The following C4orf33 variants were observed in gnomAD, a reference collection of about 807,000 sequenced individuals.
The protein encoded by C4orf33 is UPF0462 protein C4orf33.
C4orf33 carries 20 observed loss-of-function variants against 24.3 expected under a neutral mutation model. That is an observed-to-expected ratio of 0.82 (90% CI 0.58 to 1.19). The LOEUF is 1.19. C4orf33 is among the 50% of genes most tolerant of loss of function. The probability of loss-of-function intolerance (pLI) is 0.00; values close to 1 mark genes in which losing one functional copy is unlikely to be tolerated. For synonymous variants in C4orf33, 67 were observed against 76.4 expected (o/e 0.88, Z 0.64); for missense variants, 207 against 225.9 (o/e 0.92, Z 0.54).
At chr4:129,107,029 G>T (rs1043241365) in intron 3 of C4orf33, among the ~76,000 whole-genome samples, 4 of 151,862 alleles carry the variant, frequency 2.6e-5, no homozygotes, top group Non-Finnish European at 5.9e-5. Context: ...AGAGATATGG[G>T]TATAATTAAT....
At chr4:129,109,231 T>A (rs1753611948) in intron 3 of C4orf33, 76 bp from the exon 4 acceptor site, 5 of 1,341,856 alleles carry the variant, frequency 3.7e-6, no homozygotes, top group Non-Finnish European at 5.4e-6. Flanking sequence ...AGCACACACA[T>A]TCCATGTATA....
chr4:129,100,172 T>G (rs1032286048), intron 1 of C4orf33, among the ~76,000 whole-genome samples: 2 of 152,198 alleles, frequency 1.3e-5, no homozygotes, highest in Admixed American at 1.3e-4. Context: ...GTAACTTTGC[T>G]TTTATCTTTT....
rs534089830 is a variant in C4orf33, at chr4:129,116,316, A to G, written c.*4525A>G. ...TTTACTACTTATTTGAATTACAATG[A>G]AATAATATATAGCTACATCACTGGC... On this transcript the variant is annotated 3_prime_UTR_variant, in exon 6 of 6. Coordinates refer to ENST00000425929, the MANE Select transcript of C4orf33 (RefSeq NM_001099783.2). 1 of 152,350 alleles carries G rather than the reference A, an allele frequency of 6.6e-6. No homozygotes were observed. The highest frequency in any genetic ancestry group is 1.9e-4 in the East Asian group (1 of 5,186). The allele number at this position is 152,350 out of a possible 1,614,324, so 9.4% of individuals were successfully genotyped here.
chr4:129,111,845 CA>C lies in C4orf33; in HGVS notation c.*60del. 3 of 958,000 alleles carry C rather than the reference CA, an allele frequency of 3.1e-6. No individual in the cohort carries two copies. Among genetic ancestry groups the C allele is most frequent in the Non-Finnish European group, 4.7e-6 (3 of 631,710 alleles). 59.3% of individuals were successfully genotyped at this position (958,000 alleles called of 1,614,324 possible). ...TTTCCTCTATACCTTTTAAGATAAA[CA>C]AAAAATAAATATCAATTTTTTAAGA... On this transcript the variant is annotated 3_prime_UTR_variant, in exon 6 of 6. Transcript: ENST00000425929.
chr4:129,108,910 CAG>C (rs1467360263), intron 3 of C4orf33, among the ~76,000 whole-genome samples: 2 of 151,356 alleles, frequency 1.3e-5, no homozygotes, highest in Non-Finnish European at 2.9e-5. Flanking sequence ...TTTTTTGAGA[CAG>C]AGTCTCGCTT....
At chr4:129,098,651 C>T (rs370562420) in intron 1 of C4orf33, among the ~76,000 whole-genome samples, 9 of 152,324 alleles carry the variant, frequency 5.9e-5, no homozygotes, top group East Asian at 1.9e-4. Flanking sequence ...GAGCAACAAA[C>T]TACAGGAAAA....
At chr4:129,093,714 C>G (rs1753067861), upstream of C4orf33, 1 of 153,106 alleles carries the variant, frequency 6.5e-6, no homozygotes, top group South Asian at 2.0e-4. Flanking sequence ...ACCTGGATGA[C>G]AGCGGGCTGA....
chr4:129,114,895 G>T lies in C4orf33; in HGVS notation c.*3104G>T, dbSNP rs971705755. The T allele has an allele frequency of 6.6e-6, 1 of 152,152 alleles. No homozygotes were observed. Among genetic ancestry groups the T allele is most frequent in the Non-Finnish European group, 1.5e-5 (1 of 68,040 alleles). 9.4% of individuals were successfully genotyped at this position (152,152 alleles called of 1,614,324 possible). ...GGGATTCATTGAGTCATCCTTTGGT[G>T]TTTCAATGTCAAGTGGTAATCTTAA... On this transcript the variant is annotated 3_prime_UTR_variant, in exon 6 of 6. Transcript: ENST00000425929.
chr4:129,094,916 T>A (rs1348071507), upstream of C4orf33, among the ~76,000 whole-genome samples: 3 of 152,182 alleles, frequency 2.0e-5, no homozygotes, highest in African/African-American at 7.2e-5. Context: ...CCTTGTATAT[T>A]GTCGTATTTC....
At position 129,115,543 on chromosome 4, in the gene C4orf33, T is replaced by C. The variant is rs1753759897; in HGVS notation, c.*3752T>C. ...GGGCAGACAATTCTGAAGTGCATTC[T>C]GTATAGTTCCTTAGTGGTCTCCAGT... On this transcript the variant is annotated 3_prime_UTR_variant, in exon 6 of 6. Coordinates refer to ENST00000425929, the MANE Select transcript of C4orf33 (RefSeq NM_001099783.2). 6.6e-6 allele frequency: 1 copy of C among 152,122 alleles called. No individual in the cohort carries two copies. Among genetic ancestry groups the C allele is most frequent in the South Asian group, 2.1e-4 (1 of 4,824 alleles). The allele number at this position is 152,122 out of a possible 1,614,324, so 9.4% of individuals were successfully genotyped here.
chr4:129,115,853 C>CATAT lies in C4orf33; in HGVS notation c.*4070_*4073dup, dbSNP rs201069760. On this transcript the variant is annotated 3_prime_UTR_variant, in exon 6 of 6. Coordinates refer to ENST00000425929, the MANE Select transcript of C4orf33 (RefSeq NM_001099783.2). ...ATAAAATATATATGTTTATATATAACATATATATATAGAGAGAGAGCATAA... is the reference window on the plus strand; with the variant it reads ...ATAAAATATATATGTTTATATATAACATATATATATATATAGAGAGAGAGCATAA... The CATAT allele has an allele frequency of 6.6e-5, 9 of 135,762 alleles. No individual in the cohort carries two copies. Among genetic ancestry groups the CATAT allele is most frequent in the Admixed American group, 1.5e-4 (2 of 13,696 alleles). 8.4% of individuals were successfully genotyped at this position (135,762 alleles called of 1,614,324 possible). A position where few individuals can be genotyped will look rare whatever the true frequency, so the allele number is the denominator to read the frequency against.
At chr4:129,103,956 A>G (rs1667040588) in intron 2 of C4orf33, among the ~76,000 whole-genome samples, 1 of 152,200 alleles carries the variant, frequency 6.6e-6, no homozygotes, top group South Asian at 2.1e-4. Flanking sequence ...TTTTATTGAT[A>G]CAAAACGGGT....
At chr4:129,109,437 A>G (rs999151818) in intron 4 of C4orf33, 36 bp from the exon 5 acceptor site, 12 of 1,605,152 alleles carry the variant, frequency 7.5e-6, no homozygotes, top group East Asian at 2.2e-5. Context: ...TGTAAGCCCA[A>G]TTTTATCTTT....
At chr4:129,104,439 C>T (rs1397751870) in intron 2 of C4orf33, among the ~76,000 whole-genome samples, 2 of 152,132 alleles carry the variant, frequency 1.3e-5, no homozygotes, top group African/African-American at 4.8e-5. Context: ...TTCTCAGGAT[C>T]CTTTTCCTCT....
chr4:129,107,547 A>C (rs754158615), intron 3 of C4orf33, among the ~76,000 whole-genome samples: 1 of 151,870 alleles, frequency 6.6e-6, no homozygotes, highest in Non-Finnish European at 1.5e-5. Flanking sequence ...ATTTTCTTTT[A>C]TTTTGATATT....
chr4:129,108,695 C>A (rs988070129), intron 3 of C4orf33, among the ~76,000 whole-genome samples: 1 of 152,032 alleles, frequency 6.6e-6, no homozygotes, highest in African/African-American at 2.4e-5. Context: ...TCTCTCTGAC[C>A]TTTTTTCATA....
In C4orf33 at chr4:129,115,803, TATATATATATATATATATATATATATAAA is replaced by T. The variant is rs1753764198; in HGVS notation, c.*4021_*4049del. The T allele has an allele frequency of 3.5e-5, 1 of 28,442 alleles. No homozygotes were observed. Among genetic ancestry groups the T allele is most frequent in the Non-Finnish European group, 1.3e-4 (1 of 7,672 alleles). 1.8% of individuals were successfully genotyped at this position (28,442 alleles called of 1,614,324 possible). On this transcript the variant is annotated 3_prime_UTR_variant, in exon 6 of 6. Coordinates refer to ENST00000425929, the MANE Select transcript of C4orf33 (RefSeq NM_001099783.2). ...GTGCCTAACAAATCTTCTAACTAAA[TATATATATATATATATATATATATATAAA>T]ATATATATGTTTATATATAACATAT...
At chr4:129,094,688 A>G (rs1185125661), upstream of C4orf33, among the ~76,000 whole-genome samples, 2 of 152,228 alleles carry the variant, frequency 1.3e-5, no homozygotes, top group Admixed American at 1.3e-4. Context: ...TAATCATTGA[A>G]AAGGTCTAAT....
intron 1 of C4orf33, among the ~76,000 whole-genome samples, chr4:129,101,117 A>G (rs1753337665): frequency 6.6e-6 from 1 of 152,208 alleles, no homozygotes; most frequent in African/African-American, 2.4e-5. Context: ...ATGGGTTATA[A>G]TACCAGAATT....
Sources: allele counts gnomAD v4.1 joint callset (sites outside exome capture counted in the v4.1 genomes callset), GRCh38; gene constraint gnomAD v4.1.1; transcripts MANE v1.5; gene names NCBI Gene and HGNC (gene_info 2026-07-23, HGNC 2026-07-21).